BCL2L11: variants seen among roughly 807,000 people sequenced by gnomAD.
BCL2L11 encodes the protein bcl-2-like protein 11.
BCL2L11 carries 15 observed loss-of-function variants against 20.6 expected under a neutral mutation model. The ratio of observed to expected loss-of-function variants is 0.73; its 90% CI spans 0.49 to 1.12. The LOEUF (loss-of-function observed/expected upper bound fraction) is 1.12. Ranked by LOEUF, BCL2L11 falls within the 50% of genes most tolerant of loss-of-function variation. The probability of loss-of-function intolerance (pLI) is 0.00; values close to 1 mark genes in which losing one functional copy is unlikely to be tolerated. For missense variants in BCL2L11, 292 were observed against 260.9 expected, an observed-to-expected ratio of 1.12 and a Z score of -0.82; for synonymous variants, 108 against 92.8, an observed-to-expected ratio of 1.16 and a Z score of -0.94.
In BCL2L11 at chr2:111,167,979, C is replaced by G. The variant is rs1243450739; in HGVS notation, c.*3748C>G. 6.5e-6 allele frequency: 1 copy of G among 152,722 alleles called. No individual in the cohort carries two copies. Among genetic ancestry groups the G allele is most frequent in the Admixed American group, 6.5e-5 (1 of 15,292 alleles). 9.5% of individuals were successfully genotyped at this position (152,722 alleles called of 1,614,324 possible). On this transcript the variant is annotated 3_prime_UTR_variant, in exon 4 of 4. Transcript: ENST00000393256. ...GTTCTGCCATCCCTGCTGATTTAGC[C>G]TGGTGCCTGTGTGTGTCCACTCACG... is the stretch of plus-strand genomic sequence containing the variant.
At chr2:111,151,791 A>T (rs2077289843) in intron 3 of BCL2L11, 1 of 1,490,236 alleles carries the variant, frequency 6.7e-7, no homozygotes, top group Non-Finnish European at 9.2e-7. Flanking sequence ...ACATTGATGG[A>T]CTTAAGAATT....
intron 2 of BCL2L11, among the ~76,000 whole-genome samples, chr2:111,134,049 T>C (rs1322363616): frequency 6.6e-6 from 1 of 152,114 alleles, no homozygotes; most frequent in Non-Finnish European, 1.5e-5. Context: ...TCACTTTCCA[T>C]CTGCATATGT....
intron 2 of BCL2L11, among the ~76,000 whole-genome samples, chr2:111,143,793 T>C (rs2076156577): frequency 6.6e-6 from 1 of 152,196 alleles, no homozygotes; most frequent in Admixed American, 6.5e-5. Flanking sequence ...TATGTTAATA[T>C]GTGTGTCGGG....
At chr2:111,153,696 T>G in intron 3 of BCL2L11, 6 of 1,489,358 alleles carry the variant, frequency 4.0e-6, no homozygotes, top group Non-Finnish European at 5.5e-6. Context: ...TGCTTAATGC[T>G]ATTACAATGC....
At position 111,153,958 on chromosome 2, in the gene BCL2L11, T is replaced by C. The variant is rs114328646; in HGVS notation, c.498+3811T>C. ...CTCTTCTCTCCCGATGCAGTGTCAT[T>C]CCCAGGTGAACCTGCCGGGCTGAAC... On this transcript the variant is annotated intron_variant, in intron 3 of 3. Coordinates refer to ENST00000393256, the MANE Select transcript of BCL2L11 (RefSeq NM_138621.5). 4,603 of 1,446,464 alleles carry C rather than the reference T, an allele frequency of 3.2e-3. 131 individuals are homozygous for C. The African/African-American group carries it at 0.059, about 19-fold the overall frequency. The allele number at this position is 1,446,464 out of a possible 1,614,324, so 89.6% of individuals were successfully genotyped here. A position where few individuals can be genotyped will look rare whatever the true frequency, so the allele number is the denominator to read the frequency against.
chr2:111,151,695 A>G, intron 3 of BCL2L11: 1 of 782,338 alleles, frequency 1.3e-6, no homozygotes, highest in Non-Finnish European at 2.2e-6. Context: ...GAGTCAAGAA[A>G]ACACACATCG....
At chr2:111,149,466 C>T (rs1011028000) in intron 2 of BCL2L11, among the ~76,000 whole-genome samples, 11 of 152,196 alleles carry the variant, frequency 7.2e-5, no homozygotes, top group African/African-American at 2.7e-4. Flanking sequence ...ATTATGCTTT[C>T]ATTTGGCCCT....
Position 111,166,534 on chromosome 2 carries a change from C to T in BCL2L11, c.*2303C>T, listed in dbSNP as rs749349872. The T allele has an allele frequency of 6.6e-6, 1 of 152,658 alleles. No individual in the cohort carries two copies. Among genetic ancestry groups the T allele is most frequent in the Admixed American group, 6.5e-5 (1 of 15,290 alleles). 9.5% of individuals were successfully genotyped at this position (152,658 alleles called of 1,614,324 possible). On this transcript the variant is annotated 3_prime_UTR_variant, in exon 4 of 4. Coordinates refer to ENST00000393256, the MANE Select transcript of BCL2L11 (RefSeq NM_138621.5). The stretch of plus-strand genomic sequence containing the variant: ...AGATGCCTCTGTGCAGAAAGTATGC[C>T]TCCCGTGGGTATACGTTTTTACCTT...
chr2:111,146,139 G>A (rs2076479961), intron 2 of BCL2L11: 1 of 985,142 alleles, frequency 1.0e-6, no homozygotes, highest in Non-Finnish European at 1.2e-6. Context: ...CATAAATGCT[G>A]AAACTACATT....
At chr2:111,122,448 A>G (rs2071266222) in intron 1 of BCL2L11, among the ~76,000 whole-genome samples, 1 of 152,194 alleles carries the variant, frequency 6.6e-6, no homozygotes, top group Non-Finnish European at 1.5e-5. Context: ...CAGCGCTCGG[A>G]GGCGAGTTTG....
At chr2:111,131,557 T>G (rs933960037) in intron 2 of BCL2L11, 3 of 152,212 alleles carry the variant, frequency 2.0e-5, no homozygotes, top group Non-Finnish European at 4.4e-5. Context: ...GTTCCACTGA[T>G]TTTTCTCTAC....
chr2:111,137,014 C>T (rs571220356), intron 2 of BCL2L11, among the ~76,000 whole-genome samples: 1 of 152,254 alleles, frequency 6.6e-6, no homozygotes, highest in East Asian at 1.9e-4. Flanking sequence ...CATGGTGTGA[C>T]CATAGGGCGT....
At chr2:111,142,482 C>A in intron 2 of BCL2L11, 1 of 967,236 alleles carries the variant, frequency 1.0e-6, no homozygotes, top group Non-Finnish European at 1.6e-6. Context: ...TATGTCTTAG[C>A]CCTACAGTGT....
intron 2 of BCL2L11, among the ~76,000 whole-genome samples, chr2:111,131,030 G>C (rs2073843453): frequency 6.6e-6 from 1 of 152,084 alleles, no homozygotes; most frequent in African/African-American, 2.4e-5. Context: ...GAGAGTATTT[G>C]CGCCTAAGTT....
intron 3 of BCL2L11, chr2:111,151,702 A>C (rs1050666645): frequency 1.2e-6 from 1 of 825,392 alleles, no homozygotes; most frequent in African/African-American, 1.7e-5. Flanking sequence ...GAAAACACAC[A>C]TCGGATCTTC....
chr2:111,153,856 C>T (rs1423002031), intron 3 of BCL2L11: 15 of 1,551,146 alleles, frequency 9.7e-6, no homozygotes, highest in South Asian at 1.2e-5. Context: ...GCGTTTGAGA[C>T]GGAGCTGTGG....
rs1248441219 is a variant in BCL2L11 at position 111,124,148 on chromosome 2, T to C, written c.394+9T>C. On this transcript the variant is annotated intron_variant, in intron 2 of 3. Transcript: ENST00000393256. ...CTATCTCAGTGCAATGGGTAAGCAA[T>C]GCCTGGGTAAGAGGCAGTTGACGTG... 1.3e-6 allele frequency: 2 copies of C among 1,595,670 alleles called. No homozygotes were observed. Among genetic ancestry groups the C allele is most frequent in the African/African-American group, 1.3e-5 (1 of 74,298 alleles).
chr2:111,136,588 A>G (rs760536424), intron 2 of BCL2L11, among the ~76,000 whole-genome samples: 1 of 152,178 alleles, frequency 6.6e-6, no homozygotes, highest in Non-Finnish European at 1.5e-5. Context: ...ATTTCTCACA[A>G]TTCTGGAGGG....
At chr2:111,123,698 G>A (rs760142763) in intron 1 of BCL2L11, 35 bp from the exon 2 acceptor site, 26 of 1,337,888 alleles carry the variant, frequency 1.9e-5, no homozygotes, top group Non-Finnish European at 2.5e-5. Context: ...TTTTTTTTTT[G>A]CTTAAAATAA....
Sources: gnomAD v4.1 joint callset for allele counts (sites outside exome capture counted in the v4.1 genomes callset) on GRCh38, gnomAD v4.1.1 for gene constraint, MANE v1.5 for transcripts, NCBI Gene and HGNC (gene_info 2026-07-23, HGNC 2026-07-21) for gene names.